Variants in PLEKHG3 observed in about 807,000 individuals in gnomAD.
PLEKHG3 encodes the protein pleckstrin homology domain-containing family G member 3.
Under a neutral mutation model 94.9 loss-of-function variants are expected in PLEKHG3, and 62 were observed. The observed-to-expected ratio is 0.65, with a 90% CI of 0.53 to 0.81. PLEKHG3 has a LOEUF of 0.81. Among genes scored for constraint, PLEKHG3 ranks in the 30% least tolerant of loss-of-function variants. The probability of loss-of-function intolerance (pLI) is 0.00; values close to 1 mark genes in which losing one functional copy is unlikely to be tolerated. For synonymous variants in PLEKHG3, 614 were observed against 654.0 expected (o/e 0.94, Z 0.93); for missense variants, 1,461 against 1,619.3 (o/e 0.90, Z 1.68).
rs1476211846 is a variant in PLEKHG3 at position 64,749,627 on chromosome 14, G to A, written c.*5924G>A. On this transcript the variant is annotated 3_prime_UTR_variant, in exon 17 of 17. Coordinates refer to ENST00000247226, the MANE Select transcript of PLEKHG3 (RefSeq NM_001308147.2). The surrounding 1 kb of genome is among the most constrained non-coding windows in gnomAD (Gnocchi z 4.7). ...CCTCCACCTACCCCCTTCTTAGCCA[G>A]GTCTGGGCTAGGCTGCCCGCGCTTA... 3 of 1,613,266 alleles carry A rather than the reference G, an allele frequency of 1.9e-6. No homozygotes were observed. Among genetic ancestry groups the A allele is most frequent in the Admixed American group, 1.7e-5 (1 of 60,026 alleles).
chr14:64,724,348 G>C (rs1020046447), intron 1 of PLEKHG3, among the ~76,000 whole-genome samples: 1 of 152,050 alleles, frequency 6.6e-6, no homozygotes, highest in African/African-American at 2.4e-5. Context: ...TTGTTCTTCA[G>C]CCCTCCCTTT....
chr14:64,741,067 A>G lies in PLEKHG3; in HGVS notation c.1550A>G (p.Gln517Arg). Residue 517 changes from glutamine (Q) to arginine (R), a missense_variant, in exon 16 of 17, where the codon CAA (glutamine) becomes CGA (arginine). Coordinates refer to ENST00000247226, the MANE Select transcript of PLEKHG3 (RefSeq NM_001308147.2). ...CCGGACCCTGAGGCTGGGAGTGAGCAAGAGGTATTTTCTGCTGTGGAAGGG... is the reference window on the plus strand; with the variant it reads ...CCGGACCCTGAGGCTGGGAGTGAGCGAGAGGTATTTTCTGCTGTGGAAGGG... ...VEPDPEAGSEQEVFSAVEGPS... is the reference protein window; with the variant it reads ...VEPDPEAGSEREVFSAVEGPS... The G allele has an allele frequency of 1.9e-6, 3 of 1,604,958 alleles. No individual in the cohort carries two copies. In the South Asian group the frequency reaches 3.3e-5, roughly 18 times the overall value.
At chr14:64,713,969 G>A (rs1255651415) in intron 1 of PLEKHG3, among the ~76,000 whole-genome samples, 2 of 151,362 alleles carry the variant, frequency 1.3e-5, no homozygotes, top group African/African-American at 2.4e-5. Flanking sequence ...TTTCTAATTG[G>A]CCTGTTCCTT....
rs2081159277 is a variant in PLEKHG3 at position 64,716,492 on chromosome 14, ACACAACACAC to A, written c.-39-11100_-39-11091del. 4.3e-5 allele frequency among the ~76,000 whole-genome samples: 4 copies of A among 92,744 alleles called. No homozygotes were observed. The highest frequency in any genetic ancestry group is 8.3e-5 in the African/African-American group (2 of 24,126). The allele number at this position is 92,744 out of a possible 152,430, so 60.8% of individuals were successfully genotyped here. A position where few individuals can be genotyped will look rare whatever the true frequency, so the allele number is the denominator to read the frequency against. ...ACACACACACACACAACACACACAC[ACACAACACAC>A]ACACACACACACACACACACACACA... On this transcript the variant is annotated intron_variant, in intron 1 of 16. Transcript: ENST00000247226. The surrounding 1 kb of genome is among the most constrained non-coding windows in gnomAD (Gnocchi z 5.0).
rs905331177 is a variant in PLEKHG3, at chr14:64,718,188, GTTTA to G, written c.-39-9398_-39-9395del. Among the ~76,000 whole-genome samples the G allele has an allele frequency of 2.6e-5, 4 of 152,190 alleles. No individual in the cohort carries two copies. Among genetic ancestry groups the G allele is most frequent in the African/African-American group, 9.7e-5 (4 of 41,440 alleles). On this transcript the variant is annotated intron_variant, in intron 1 of 16. Transcript: ENST00000247226. This position sits in a 1 kb window ranked among gnomAD's most constrained non-coding sequence, Gnocchi z 5.0. ...ACTAGCTACTCCTTCTGTTAGCACA[GTTTA>G]TTTATTCATGCTTTTGTACTAGGAC...
At chr14:64,708,817 G>A (rs1273698033) in intron 1 of PLEKHG3, among the ~76,000 whole-genome samples, 1 of 66,928 alleles carries the variant, frequency 1.5e-5, no homozygotes, top group Admixed American at 1.5e-4. Flanking sequence ...CCACCCCCCC[G>A]CCCCACCCCC....
At position 64,730,235 on chromosome 14, in the gene PLEKHG3, TCACC is replaced by T. The variant is rs2081433318; in HGVS notation, c.450-5_450-2del. On this transcript the variant is annotated splice_region_variant and splice_polypyrimidine_tract_variant and intron_variant, in intron 3 of 16. Coordinates refer to ENST00000247226, the MANE Select transcript of PLEKHG3 (RefSeq NM_001308147.2). This position sits in a 1 kb window ranked among gnomAD's most constrained non-coding sequence, Gnocchi z 5.4. ...AGAGGGTACAGTGGCTGCTCTCCCC[TCACC>T]CAGCCAGCTCCTCAGAGACCTGGAC... The T allele has an allele frequency of 2.0e-6, 3 of 1,514,478 alleles. No homozygotes were observed. The highest frequency in any genetic ancestry group is 1.4e-5 in the African/African-American group (1 of 72,688). The allele number at this position is 1,514,478 out of a possible 1,614,324, so 93.8% of individuals were successfully genotyped here. A position where few individuals can be genotyped will look rare whatever the true frequency, so the allele number is the denominator to read the frequency against.
intron 1 of PLEKHG3, among the ~76,000 whole-genome samples, chr14:64,706,235 C>T (rs575528809): frequency 1.4e-4 from 21 of 152,236 alleles, no homozygotes; most frequent in Non-Finnish European, 2.1e-4. Flanking sequence ...TTGAAGAGTG[C>T]GAGTCACTTG....
Position 64,749,435 on chromosome 14 carries a change from G to A in PLEKHG3, c.*5732G>A. The stretch of plus-strand genomic sequence containing the variant: ...CGCGGATGCTCTGGGACTCGTTGAT[G>A]GCGGTGCTCACGCCCTGCAGCCAGG... On this transcript the variant is annotated 3_prime_UTR_variant, in exon 17 of 17. Coordinates refer to ENST00000247226, the MANE Select transcript of PLEKHG3 (RefSeq NM_001308147.2). This position sits in a 1 kb window ranked among gnomAD's most constrained non-coding sequence, Gnocchi z 4.7. 1 of 1,604,288 alleles carries A rather than the reference G, an allele frequency of 6.2e-7. No homozygotes were observed. Among genetic ancestry groups the A allele is most frequent in the Non-Finnish European group, 8.5e-7 (1 of 1,179,076 alleles).
In PLEKHG3 at chr14:64,745,686, C is replaced by G. The variant is rs2081821651; in HGVS notation, c.*1983C>G. On this transcript the variant is annotated 3_prime_UTR_variant, in exon 17 of 17. Transcript: ENST00000247226. The surrounding 1 kb of genome is among the most constrained non-coding windows in gnomAD (Gnocchi z 5.0). ...TGCCAGACCAGGGGCTATCTCTGCC[C>G]TGCGCTGCTTCTGCTCAAGAGAGGT... The G allele has an allele frequency of 6.6e-6, 1 of 152,278 alleles. No individual in the cohort carries two copies. Among genetic ancestry groups the G allele is most frequent in the African/African-American group, 2.4e-5 (1 of 41,472 alleles). The allele number at this position is 152,278 out of a possible 1,614,324, so 9.4% of individuals were successfully genotyped here.
rs374987034 is a variant in PLEKHG3 at position 64,749,261 on chromosome 14, G to C, written c.*5558G>C. ...GAGGAGGCCAAGGCCTGGGCTGCCC[G>C]GTCTCTGCGCGTCCCGACTCCGCCG... On this transcript the variant is annotated 3_prime_UTR_variant, in exon 17 of 17. Coordinates refer to ENST00000247226, the MANE Select transcript of PLEKHG3 (RefSeq NM_001308147.2). This position sits in a 1 kb window ranked among gnomAD's most constrained non-coding sequence, Gnocchi z 4.7. The C allele has an allele frequency of 1.9e-6, 3 of 1,540,456 alleles. No homozygotes were observed. The Admixed American group carries it at 5.8e-5, about 30-fold the overall frequency.
rs565122795 is a variant in PLEKHG3 at position 64,722,547 on chromosome 14, C to T, written c.-39-5046C>T. ...GAGGACTTTCCCTGTGTGCAGGTGC[C>T]GTGTGGATTCCTCCCCAGCTGGGGC... On this transcript the variant is annotated intron_variant, in intron 1 of 16. Coordinates refer to ENST00000247226, the MANE Select transcript of PLEKHG3 (RefSeq NM_001308147.2). This position sits in a 1 kb window ranked among gnomAD's most constrained non-coding sequence, Gnocchi z 4.3. Among the ~76,000 whole-genome samples, 7 of 152,248 alleles carry T rather than the reference C, an allele frequency of 4.6e-5. No homozygotes were observed. In the South Asian group the frequency reaches 1.0e-3, roughly 23 times the overall value.
intron 13 of PLEKHG3, 39 bp from the exon 14 acceptor site, chr14:64,737,317 T>C: frequency 6.3e-7 from 1 of 1,577,276 alleles, no homozygotes; most frequent in Non-Finnish European, 8.7e-7. Flanking sequence ...CCCCTGCCCC[T>C]CGCCCGTGTG....
intron 12 of PLEKHG3, among the ~76,000 whole-genome samples, chr14:64,733,623 C>A (rs2081516187): frequency 6.6e-6 from 1 of 152,184 alleles, no homozygotes; most frequent in Non-Finnish European, 1.5e-5. Flanking sequence ...AGTCCTGGAA[C>A]AACCGAGCAG....
rs2081326735 is a variant in PLEKHG3 at position 64,725,052 on chromosome 14, G to T, written c.-39-2541G>T. ...GACAGGTAGCCTATGATCAATCAGA[G>T]AGAAAACTTCTGTAAGTAGAAAAGA... On this transcript the variant is annotated intron_variant, in intron 1 of 16. Transcript: ENST00000247226. This position sits in a 1 kb window ranked among gnomAD's most constrained non-coding sequence, Gnocchi z 5.0. 6.6e-6 allele frequency among the ~76,000 whole-genome samples: 1 copy of T among 152,200 alleles called. No homozygotes were observed. The highest frequency in any genetic ancestry group is 1.5e-5 in the Non-Finnish European group (1 of 68,040).
In PLEKHG3 at chr14:64,727,861, C is replaced by T. The variant is rs571347048; in HGVS notation, c.230C>T (p.Pro77Leu). The T allele has an allele frequency of 1.2e-5, 19 of 1,613,334 alleles. No homozygotes were observed. Among genetic ancestry groups the T allele is most frequent in the Admixed American group, 1.0e-4 (6 of 60,020 alleles). Residue 77 changes from proline (P) to leucine (L), a missense_variant, in exon 2 of 17, where the codon CCG (proline) becomes CTG (leucine). Pro to Leu is a moderately conservative substitution (Grantham distance 98, BLOSUM62 -3). Transcript: ENST00000247226. This position sits in a 1 kb window ranked among gnomAD's most constrained non-coding sequence, Gnocchi z 6.0. ...TTGAACGTGAAGGGGCCCCTCTCCCCGTTCAACAGCCGGGCAGCGGCAGGG... is the reference window on the plus strand; with the variant it reads ...TTGAACGTGAAGGGGCCCCTCTCCCTGTTCAACAGCCGGGCAGCGGCAGGG... ...SWLNVKGPLS[P>L]FNSRAAAGPA... is the part of the protein sequence containing the mutation.
At position 64,718,524 on chromosome 14, in the gene PLEKHG3, G is replaced by C. The variant is rs192973592; in HGVS notation, c.-39-9069G>C. On this transcript the variant is annotated intron_variant, in intron 1 of 16. Coordinates refer to ENST00000247226, the MANE Select transcript of PLEKHG3 (RefSeq NM_001308147.2). This position sits in a 1 kb window ranked among gnomAD's most constrained non-coding sequence, Gnocchi z 5.0. Reference sequence around the variant, plus strand: ...TGCAGGGCTGCCATGATGTCTTTGTGCACAGTAGGTGCTTGGTAAACAGCT... The same window carrying C: ...TGCAGGGCTGCCATGATGTCTTTGTCCACAGTAGGTGCTTGGTAAACAGCT... Among the ~76,000 whole-genome samples the C allele has an allele frequency of 6.6e-6, 1 of 152,144 alleles. No homozygotes were observed. Among genetic ancestry groups the C allele is most frequent in the Non-Finnish European group, 1.5e-5 (1 of 68,020 alleles).
Position 64,731,436 on chromosome 14 carries a change from T to C in PLEKHG3, c.925T>C (p.Phe309Leu), listed in dbSNP as rs751784968. 2.5e-6 allele frequency: 4 copies of C among 1,613,950 alleles called. No homozygotes were observed. The highest frequency in any genetic ancestry group is 2.5e-6 in the Non-Finnish European group (3 of 1,179,850). ...CGGGGAGCTTGTCCTGGAGGGCACA[T>C]TCCGCGTGCATCGCGTGCGCAATGA... Reference protein sequence around the residue: ...TYGELVLEGTFRVHRVRNERT... With the variant: ...TYGELVLEGTLRVHRVRNERT... Residue 309 changes from phenylalanine to leucine, a missense_variant, in exon 8 of 17, where the codon TTC becomes CTC. Phe to Leu is a conservative substitution (Grantham distance 22). This residue lies in a region of PLEKHG3 where 1,201 missense variants were observed against 1,295.5 expected (regional missense o/e 0.93). Coordinates refer to ENST00000247226, the MANE Select transcript of PLEKHG3 (RefSeq NM_001308147.2). This position sits in a 1 kb window ranked among gnomAD's most constrained non-coding sequence, Gnocchi z 6.1.
In PLEKHG3 at chr14:64,742,238, C is replaced by T. The variant is rs554675055; in HGVS notation, c.2721C>T (p.Ile907=). The change falls in exon 16 of 17, where the codon ATC becomes ATT. Residue 907 remains isoleucine (I), a synonymous_variant. Transcript: ENST00000247226. ...GELVAPLHPR[I]VQLSHVMDSH... Reference sequence around the variant, plus strand: ...TGGTGGCCCCACTGCACCCCCGCATCGTGCAGCTCTCCCACGTAATGGACA... The same window carrying T: ...TGGTGGCCCCACTGCACCCCCGCATTGTGCAGCTCTCCCACGTAATGGACA... 1.3e-5 allele frequency: 21 copies of T among 1,613,078 alleles called. No individual in the cohort carries two copies. The highest frequency in any genetic ancestry group is 2.7e-5 in the African/African-American group (2 of 75,060).
Sources: allele counts gnomAD v4.1 joint callset (sites outside exome capture counted in the v4.1 genomes callset), GRCh38; gene constraint gnomAD v4.1.1; regional missense constraint gnomAD v4.1.1; non-coding constraint Gnocchi (gnomAD v3.1); transcripts MANE v1.5; gene names NCBI Gene and HGNC (gene_info 2026-07-23, HGNC 2026-07-21).